The following PCDHGA8 variants were observed in gnomAD, a reference collection of about 807,000 sequenced individuals.
PCDHGA8 encodes the protein protocadherin gamma subfamily A, 8.
Under a neutral mutation model 59.2 loss-of-function variants are expected in PCDHGA8, and 45 were observed. The ratio of observed to expected loss-of-function variants is 0.76; its 90% CI spans 0.60 to 0.98. The LOEUF (loss-of-function observed/expected upper bound fraction) is 0.98. Ranked by LOEUF, PCDHGA8 falls within the 50% of genes least tolerant of loss-of-function variation. The pLI is 0.00. For missense variants in PCDHGA8, 1,257 were observed against 1,196.2 expected, an observed-to-expected ratio of 1.05 and a Z score of -0.75; for synonymous variants, 531 against 519.0, an observed-to-expected ratio of 1.02 and a Z score of -0.32.
Position 141,485,200 on chromosome 5 carries a change from A to C in PCDHGA8, c.2425-9607A>C. 1 of 1,614,116 alleles carries C rather than the reference A, an allele frequency of 6.2e-7. No homozygotes were observed. The highest frequency in any genetic ancestry group is 2.2e-5 in the East Asian group (1 of 44,872). ...TGCTCCGCAAGGTGAGAAGCTGGAC[A>C]GAAATCTGGCGGTGGGCTACCCTTT... On this transcript the variant is annotated intron_variant, in intron 1 of 3. Coordinates refer to ENST00000398604, the MANE Select transcript of PCDHGA8 (RefSeq NM_032088.2). This position sits in a 1 kb window ranked among gnomAD's most constrained non-coding sequence, Gnocchi z 5.7.
intron 1 of PCDHGA8, chr5:141,422,878 C>T: frequency 6.2e-7 from 1 of 1,614,264 alleles, no homozygotes; most frequent in African/African-American, 1.3e-5. Flanking sequence ...GTCGCTGAGC[C>T]TGTTCGTGCT....
intron 1 of PCDHGA8, chr5:141,414,615 G>A: frequency 6.2e-7 from 1 of 1,613,962 alleles, no homozygotes; most frequent in Non-Finnish European, 8.5e-7. Context: ...CAGTGACAGC[G>A]CTGGACCCGG....
chr5:141,406,998 A>T (rs138992041), intron 1 of PCDHGA8, among the ~76,000 whole-genome samples: 1 of 152,234 alleles, frequency 6.6e-6, no homozygotes, highest in Non-Finnish European at 1.5e-5. Context: ...ATTTGAAAAT[A>T]AGCTTTGAAG....
intron 1 of PCDHGA8, among the ~76,000 whole-genome samples, chr5:141,467,814 A>G (rs2099152300): frequency 6.6e-6 from 1 of 151,978 alleles, no homozygotes; most frequent in Non-Finnish European, 1.5e-5. Flanking sequence ...ACATGCCACC[A>G]CACCAGGCTG....
intron 1 of PCDHGA8, chr5:141,408,105 G>T (rs566753835): frequency 2.6e-5 from 37 of 1,439,788 alleles, no homozygotes; most frequent in Non-Finnish European, 3.2e-5. Flanking sequence ...TCCGAGACCC[G>T]GGACTCCTCC....
chr5:141,403,377 T>A, intron 1 of PCDHGA8: 1 of 1,614,016 alleles, frequency 6.2e-7, no homozygotes. Flanking sequence ...GAAGTAAAAA[T>A]TAACGAAATC....
At chr5:141,450,004 C>CTTTAT (rs2098662217) in intron 1 of PCDHGA8, among the ~76,000 whole-genome samples, 1 of 75,148 alleles carries the variant, frequency 1.3e-5, no homozygotes, top group Non-Finnish European at 2.3e-5. Flanking sequence ...GTTGCCATGT[C>CTTTAT]TCTTTTTTTT....
At chr5:141,510,873 T>A in intron 3 of PCDHGA8, 74 bp from the exon 4 acceptor site, 1 of 1,609,964 alleles carries the variant, frequency 6.2e-7, no homozygotes, top group Non-Finnish European at 8.5e-7. Flanking sequence ...ATTCATTAAC[T>A]GCTGGGGATA....
rs1395556571 is a variant in PCDHGA8 at position 141,432,581 on chromosome 5, C to CT, written c.2424+37345dup. ...CCAGAACGCCTGGCTGTCCTACCGT[C>CT]TGCTCAAGGCCAGCGAGCCGGGACT... On this transcript the variant is annotated intron_variant, in intron 1 of 3. Coordinates refer to ENST00000398604, the MANE Select transcript of PCDHGA8 (RefSeq NM_032088.2). This position sits in a 1 kb window ranked among gnomAD's most constrained non-coding sequence, Gnocchi z 6.0. 6.2e-7 allele frequency: 1 copy of CT among 1,613,930 alleles called. No homozygotes were observed.
At position 141,511,410 on chromosome 5, in the gene PCDHGA8, T is replaced by A; in HGVS notation, c.*237T>A. The stretch of plus-strand genomic sequence containing the variant: ...GGAACCCCCATCCAATCAACTGCTG[T>A]ACCCATGGGGGTAGTGGGGTTACTG... On this transcript the variant is annotated 3_prime_UTR_variant, in exon 4 of 4. Coordinates refer to ENST00000398604, the MANE Select transcript of PCDHGA8 (RefSeq NM_032088.2). 1 of 908,820 alleles carries A rather than the reference T, an allele frequency of 1.1e-6. No individual in the cohort carries two copies. The highest frequency in any genetic ancestry group is 1.6e-6 in the Non-Finnish European group (1 of 624,202). 56.3% of individuals were successfully genotyped at this position (908,820 alleles called of 1,614,324 possible). A position where few individuals can be genotyped will look rare whatever the true frequency, so the allele number is the denominator to read the frequency against.
chr5:141,399,695 C>G, intron 1 of PCDHGA8: 1 of 1,613,480 alleles, frequency 6.2e-7, no homozygotes, highest in South Asian at 1.1e-5. Flanking sequence ...CAGCTGCGCA[C>G]CTTCGAACTC....
chr5:141,458,059 T>A (rs533147047), intron 1 of PCDHGA8, among the ~76,000 whole-genome samples: 1 of 152,238 alleles, frequency 6.6e-6, no homozygotes, highest in Admixed American at 6.5e-5. Flanking sequence ...CTTGCTGCAC[T>A]GATGCGAACA....
chr5:141,449,498 A>G (rs1190732747), intron 1 of PCDHGA8, among the ~76,000 whole-genome samples: 7 of 150,506 alleles, frequency 4.7e-5, no homozygotes, highest in Non-Finnish European at 8.9e-5. Flanking sequence ...GTGAGGCATG[A>G]GAAATGCTTG....
rs1340590903 is a variant in PCDHGA8, at chr5:141,432,842, G to A, written c.2424+37605G>A. On this transcript the variant is annotated intron_variant, in intron 1 of 3. Coordinates refer to ENST00000398604, the MANE Select transcript of PCDHGA8 (RefSeq NM_032088.2). This position sits in a 1 kb window ranked among gnomAD's most constrained non-coding sequence, Gnocchi z 6.0. ...CTCAGACCTCACTCTGTACCTGGTG[G>A]TAGCGGTGGCCGCGGTCTCCTGCGT... 5 of 1,614,192 alleles carry A rather than the reference G, an allele frequency of 3.1e-6. No individual in the cohort carries two copies. The South Asian group carries it at 4.4e-5, about 14-fold the overall frequency.
intron 1 of PCDHGA8, chr5:141,407,957 G>A: frequency 1.5e-6 from 1 of 660,494 alleles, no homozygotes; most frequent in Non-Finnish European, 2.4e-6. Flanking sequence ...GGCCAGTGCA[G>A]AGCAAGCGCT....
intron 1 of PCDHGA8, chr5:141,412,044 A>T (rs1403784619): frequency 6.6e-6 from 1 of 152,194 alleles, no homozygotes; most frequent in East Asian, 1.9e-4. Context: ...AAAGAAGTGA[A>T]CTTCTATACC....
intron 1 of PCDHGA8, chr5:141,478,480 G>C (rs1444434721): frequency 1.9e-6 from 3 of 1,613,564 alleles, no homozygotes; most frequent in South Asian, 2.2e-5. Flanking sequence ...GCCAGAACAC[G>C]CTGCGGAGCT....
At chr5:141,510,272 T>TAA (rs546154379) in intron 3 of PCDHGA8, among the ~76,000 whole-genome samples, 3,403 of 130,344 alleles carry the variant, frequency 0.026, 48 homozygotes, top group East Asian at 0.043. Context: ...GACTCCATCT[T>TAA]AAAAAAAAAA....
chr5:141,458,509 CTTTGT>C (rs1181745590), intron 1 of PCDHGA8, among the ~76,000 whole-genome samples: 1 of 149,986 alleles, frequency 6.7e-6, no homozygotes, highest in Non-Finnish European at 1.5e-5. Context: ...CTGTTTGACA[CTTTGT>C]TTTTTTTTTT....
Sources: allele counts gnomAD v4.1 joint callset (sites outside exome capture counted in the v4.1 genomes callset), GRCh38; gene constraint gnomAD v4.1.1; non-coding constraint Gnocchi (gnomAD v3.1); transcripts MANE v1.5; gene names NCBI Gene and HGNC (gene_info 2026-07-23, HGNC 2026-07-21).